ARHGEF10L: variants seen among roughly 807,000 people sequenced by gnomAD.
ARHGEF10L encodes the protein rho guanine nucleotide exchange factor 10-like protein.
In ARHGEF10L, 69 loss-of-function variants were observed where a neutral mutation model predicts 141.2. The observed-to-expected ratio is 0.49, with a 90% CI of 0.40 to 0.60. The LOEUF is 0.60. ARHGEF10L is among the 20% of genes least tolerant of loss of function. The pLI, the probability that ARHGEF10L is intolerant of heterozygous loss-of-function variation, is 0.00. For missense variants in ARHGEF10L, 1,482 were observed against 1,734.3 expected, an observed-to-expected ratio of 0.85 and a Z score of 2.58; for synonymous variants, 711 against 718.5, an observed-to-expected ratio of 0.99 and a Z score of 0.17.
intron 26 of ARHGEF10L, among the ~76,000 whole-genome samples, chr1:17,684,334 C>A (rs1440707301): frequency 6.6e-6 from 1 of 152,212 alleles, no homozygotes; most frequent in Non-Finnish European, 1.5e-5. Flanking sequence ...GAACTGAAAG[C>A]CAGGACGGCC....
rs2059992798 is a variant in ARHGEF10L, at chr1:17,619,526, C to T, written c.942+81C>T. ...TTCCAGCCTGTTCTCTGGGGCCACGCTTGTCTGGATCTCACAGGGGATATG... is the reference window on the plus strand; with the variant it reads ...TTCCAGCCTGTTCTCTGGGGCCACGTTTGTCTGGATCTCACAGGGGATATG... On this transcript the variant is annotated intron_variant, in intron 10 of 28. Coordinates refer to ENST00000361221, the MANE Select transcript of ARHGEF10L (RefSeq NM_018125.4). The surrounding 1 kb of genome is among the most constrained non-coding windows in gnomAD (Gnocchi z 5.0). 9 of 1,151,702 alleles carry T rather than the reference C, an allele frequency of 7.8e-6. No homozygotes were observed. The East Asian group carries it at 1.3e-4, about 17-fold the overall frequency. The allele number at this position is 1,151,702 out of a possible 1,614,324, so 71.3% of individuals were successfully genotyped here. A position where few individuals can be genotyped will look rare whatever the true frequency, so the allele number is the denominator to read the frequency against.
At chr1:17,539,431 A>T (rs1189707667), upstream of ARHGEF10L, among the ~76,000 whole-genome samples, 1 of 151,378 alleles carries the variant, frequency 6.6e-6, no homozygotes, top group Non-Finnish European at 1.5e-5. This position sits in a 1 kb window ranked among gnomAD's most constrained non-coding sequence, Gnocchi z 6.0. Flanking sequence ...GGAAGTGGGG[A>T]CCCCGGGGTA....
intron 15 of ARHGEF10L, among the ~76,000 whole-genome samples, chr1:17,631,618 C>T (rs1168027714): frequency 6.6e-6 from 1 of 152,238 alleles, no homozygotes; most frequent in African/African-American, 2.4e-5. Context: ...CCTCTCAGGC[C>T]ATGACCTGTG....
intron 1 of ARHGEF10L, among the ~76,000 whole-genome samples, chr1:17,551,583 C>T (rs952433704): frequency 4.6e-5 from 7 of 151,960 alleles, no homozygotes; most frequent in Admixed American, 2.6e-4. Flanking sequence ...TAGGGGATGA[C>T]GGGATTAGAA....
chr1:17,656,531 G>A lies in ARHGEF10L; in HGVS notation c.2706-23G>A, dbSNP rs751064732. ...TGGGAGTGCTCAGTGTGTCATGACC[G>A]CTTCTCCAACCTCTCCCCGCAGCAT... is the stretch of plus-strand genomic sequence containing the variant. On this transcript the variant is annotated intron_variant, in intron 24 of 28. Coordinates refer to ENST00000361221, the MANE Select transcript of ARHGEF10L (RefSeq NM_018125.4). This position sits in a 1 kb window ranked among gnomAD's most constrained non-coding sequence, Gnocchi z 4.9. 8.9e-5 allele frequency: 143 copies of A among 1,599,746 alleles called. No homozygotes were observed. In the East Asian group the frequency reaches 1.3e-3, roughly 15 times the overall value.
chr1:17,634,713 A>T, intron 17 of ARHGEF10L, 122 bp from the exon 18 acceptor site: 1 of 1,458,656 alleles, frequency 6.9e-7, no homozygotes, highest in South Asian at 1.3e-5. Flanking sequence ...TTTTGGTCTG[A>T]GGTCTTGCGC....
chr1:17,519,272 A>G, the ARHGEF10L span, among the ~76,000 whole-genome samples: 6 of 152,136 alleles, frequency 3.9e-5, no homozygotes, highest in East Asian at 1.2e-3. Flanking sequence ...TAATTCTCAC[A>G]AAAACCCCAT....
intron 15 of ARHGEF10L, among the ~76,000 whole-genome samples, chr1:17,630,915 G>C (rs2060642589): frequency 6.6e-6 from 1 of 152,100 alleles, no homozygotes; most frequent in Non-Finnish European, 1.5e-5. Flanking sequence ...GGATGCCTGG[G>C]GGTGATCTGT....
At chr1:17,658,797 G>A (rs1326119364) in intron 25 of ARHGEF10L, among the ~76,000 whole-genome samples, 1 of 151,678 alleles carries the variant, frequency 6.6e-6, no homozygotes, top group Admixed American at 6.6e-5. Flanking sequence ...AGTGTTGTGT[G>A]AGAGCCTCAC....
chr1:17,648,775 G>T, intron 22 of ARHGEF10L, 100 bp downstream of exon 22: 1 of 1,481,946 alleles, frequency 6.7e-7, no homozygotes, highest in Admixed American at 2.0e-5. Flanking sequence ...CAGCAGGGAA[G>T]GCTCAGGTTC....
At position 17,603,338 on chromosome 1, in the gene ARHGEF10L, G is replaced by C. The variant is rs191495595; in HGVS notation, c.350-170G>C. 5.8e-3 allele frequency among the ~76,000 whole-genome samples: 871 copies of C among 151,472 alleles called. 9 individuals are homozygous for C. The highest frequency in any genetic ancestry group is 0.02 in the African/African-American group (816 of 41,220). On this transcript the variant is annotated intron_variant, in intron 5 of 28. Transcript: ENST00000361221. The surrounding 1 kb of genome is among the most constrained non-coding windows in gnomAD (Gnocchi z 4.8). ...GGGGGTGGGGGGCGGGGAGAAGCGAGGGAGCCGGCATCCCCTGAGGGCAGC... is the reference window on the plus strand; with the variant it reads ...GGGGGTGGGGGGCGGGGAGAAGCGACGGAGCCGGCATCCCCTGAGGGCAGC...
intron 1 of ARHGEF10L, among the ~76,000 whole-genome samples, chr1:17,578,530 T>A (rs1262957022): frequency 9.9e-6 from 1 of 100,520 alleles, no homozygotes; most frequent in South Asian, 4.3e-4. Flanking sequence ...AGAAAAAATT[T>A]TAAAAAATTA....
intron 25 of ARHGEF10L, among the ~76,000 whole-genome samples, chr1:17,658,855 G>C (rs2062435656): frequency 6.6e-6 from 1 of 152,168 alleles, no homozygotes; most frequent in African/African-American, 2.4e-5. Flanking sequence ...CCTGAGGAGG[G>C]GGATCCTGGG....
At chr1:17,576,260 A>G (rs2078219509) in intron 1 of ARHGEF10L, among the ~76,000 whole-genome samples, 1 of 151,822 alleles carries the variant, frequency 6.6e-6, no homozygotes, top group Non-Finnish European at 1.5e-5. Context: ...TGGACTTTGA[A>G]CCCTAGTGGG....
At chr1:17,651,773 G>T (rs1035984706) in intron 22 of ARHGEF10L, among the ~76,000 whole-genome samples, 1 of 152,176 alleles carries the variant, frequency 6.6e-6, no homozygotes, top group Non-Finnish European at 1.5e-5. Flanking sequence ...AGTGGAGGGA[G>T]GCGAGTGACT....
rs2081307317 is a variant in ARHGEF10L, at chr1:17,607,750, T to C, written c.434-52T>C. The C allele has an allele frequency of 6.9e-7, 1 of 1,444,280 alleles. No homozygotes were observed. Among genetic ancestry groups the C allele is most frequent in the Non-Finnish European group, 9.1e-7 (1 of 1,099,568 alleles). The allele number at this position is 1,444,280 out of a possible 1,614,324, so 89.5% of individuals were successfully genotyped here. A position where few individuals can be genotyped will look rare whatever the true frequency, so the allele number is the denominator to read the frequency against. ...GAAATTGGGTCTGAGGCTGGAAGTC[T>C]GGTAGGCTTGGCCTCAGGGCCTGGG... On this transcript the variant is annotated intron_variant, in intron 6 of 28. Coordinates refer to ENST00000361221, the MANE Select transcript of ARHGEF10L (RefSeq NM_018125.4). This position sits in a 1 kb window ranked among gnomAD's most constrained non-coding sequence, Gnocchi z 4.5.
chr1:17,556,275 G>GT (rs2077318776), intron 1 of ARHGEF10L, among the ~76,000 whole-genome samples: 1 of 107,000 alleles, frequency 9.3e-6, no homozygotes, highest in African/African-American at 3.6e-5. Context: ...ATGGCGGCGG[G>GT]GGGGGGGCCT....
intron 26 of ARHGEF10L, among the ~76,000 whole-genome samples, chr1:17,675,838 T>TCAGGTGTGGGTG (rs2063642555): frequency 1.6e-5 from 1 of 62,638 alleles, no homozygotes; most frequent in Non-Finnish European, 3.4e-5. Flanking sequence ...AGGTGTGTGT[T>TCAGGTGTGGGTG]CAGGTGTGGG....
intron 28 of ARHGEF10L, 64 bp from the exon 29 acceptor site, chr1:17,696,784 T>C: frequency 7.0e-7 from 1 of 1,438,462 alleles, no homozygotes; most frequent in Non-Finnish European, 9.3e-7. Context: ...GGAGAGAGAC[T>C]CAGGTGCTTC....
Sources: gnomAD v4.1 joint callset for allele counts (sites outside exome capture counted in the v4.1 genomes callset) on GRCh38, gnomAD v4.1.1 for gene constraint, Gnocchi (gnomAD v3.1) non-coding constraint, MANE v1.5 for transcripts, NCBI Gene and HGNC (gene_info 2026-07-23, HGNC 2026-07-21) for gene names.